Variants in FGGY observed in about 807,000 individuals in gnomAD.
FGGY encodes the protein FGGY carbohydrate kinase domain containing, also known as FGGY carbohydrate kinase domain-containing protein.
FGGY carries 72 observed loss-of-function variants against 71.3 expected under a neutral mutation model. The observed-to-expected ratio is 1.01, with a 90% CI of 0.84 to 1.23. FGGY has a LOEUF of 1.23. Among genes scored for constraint, FGGY ranks in the 50% most tolerant of loss-of-function variants. FGGY has a pLI of 0.00. For synonymous variants in FGGY, 251 were observed against 250.3 expected (o/e 1.00, Z -0.02); for missense variants, 668 against 682.3 (o/e 0.98, Z 0.23).
intron 14 of FGGY, among the ~76,000 whole-genome samples, chr1:59,675,910 G>T (rs1373517794): frequency 6.6e-6 from 1 of 152,070 alleles, no homozygotes; most frequent in East Asian, 1.9e-4. Flanking sequence ...ATGAGGGCAG[G>T]AGCCTAGTCT....
intron 8 of FGGY, among the ~76,000 whole-genome samples, chr1:59,605,542 T>G (rs1026956687): frequency 6.6e-6 from 1 of 152,228 alleles, no homozygotes; most frequent in Non-Finnish European, 1.5e-5. Flanking sequence ...TAAGCTGAAC[T>G]TACTTTTCTT....
Position 59,715,050 on chromosome 1 carries a change from T to C in FGGY, c.1512+40917T>C, listed in dbSNP as rs202007740. ...TGTTTCCCCCTTTCAAGAAAAGCCC[T>C]TTCTTTCGTTGCCTTCTCACATAAC... On this transcript the variant is annotated intron_variant, in intron 14 of 15. Transcript: ENST00000303721. 5.3e-5 allele frequency among the ~76,000 whole-genome samples: 8 copies of C among 152,310 alleles called. No individual in the cohort carries two copies. In the East Asian group the frequency reaches 1.5e-3, roughly 29 times the overall value.
At chr1:59,441,535 A>G (rs2069881544) in intron 5 of FGGY, among the ~76,000 whole-genome samples, 1 of 152,160 alleles carries the variant, frequency 6.6e-6, no homozygotes, top group African/African-American at 2.4e-5. Context: ...TTTCTTTATT[A>G]TATTTTCTTT....
At chr1:59,473,577 A>AGT (rs1220712865) in intron 6 of FGGY, among the ~76,000 whole-genome samples, 1 of 152,164 alleles carries the variant, frequency 6.6e-6, no homozygotes. Flanking sequence ...AAGAGTGCAG[A>AGT]GTGTGTGTGA....
chr1:59,509,487 T>G (rs1263327936), intron 6 of FGGY, among the ~76,000 whole-genome samples: 1 of 152,192 alleles, frequency 6.6e-6, no homozygotes, highest in Non-Finnish European at 1.5e-5. Context: ...CACTTAAGTA[T>G]GGATTACAAG....
chr1:59,730,682 G>A (rs1011566794), intron 14 of FGGY, among the ~76,000 whole-genome samples: 6 of 152,164 alleles, frequency 3.9e-5, no homozygotes, highest in African/African-American at 7.2e-5. Context: ...ATAAACCACA[G>A]ATCAGAGAAT....
chr1:59,370,430 T>C (rs181085038), intron 4 of FGGY, among the ~76,000 whole-genome samples: 6 of 152,340 alleles, frequency 3.9e-5, no homozygotes, highest in African/African-American at 1.4e-4. Flanking sequence ...CTACGTCTGA[T>C]TGGTGTACCT....
intron 5 of FGGY, among the ~76,000 whole-genome samples, chr1:59,442,944 G>A (rs1572204380): frequency 6.6e-6 from 1 of 152,324 alleles, no homozygotes; most frequent in East Asian, 1.9e-4. Flanking sequence ...TTCTCAGGGG[G>A]TTGAAGTATC....
chr1:59,547,384 G>C (rs190030766), intron 7 of FGGY, among the ~76,000 whole-genome samples: 1 of 152,226 alleles, frequency 6.6e-6, no homozygotes, highest in Admixed American at 6.5e-5. Flanking sequence ...GGAATAGTTG[G>C]AGTTCTTGTA....
chr1:59,648,670 T>C (rs1189729269), intron 11 of FGGY, among the ~76,000 whole-genome samples: 5 of 150,430 alleles, frequency 3.3e-5, no homozygotes, highest in Non-Finnish European at 7.4e-5. Context: ...GATGAGTAGG[T>C]TGCGAAAATT....
At chr1:59,435,086 A>T (rs1306848587) in intron 5 of FGGY, among the ~76,000 whole-genome samples, 1 of 152,192 alleles carries the variant, frequency 6.6e-6, no homozygotes, top group Non-Finnish European at 1.5e-5. Flanking sequence ...AGACAATGAG[A>T]ATATCCAAGA....
At chr1:59,633,001 C>CTTTTTTTTT (rs58061913) in intron 10 of FGGY, among the ~76,000 whole-genome samples, 4 of 135,694 alleles carry the variant, frequency 2.9e-5, no homozygotes, top group Non-Finnish European at 3.2e-5. Flanking sequence ...TTATACATTT[C>CTTTTTTTTT]TTTTTTTTTT....
At chr1:59,480,781 GGGA>G (rs1324105143) in intron 6 of FGGY, among the ~76,000 whole-genome samples, 1 of 152,092 alleles carries the variant, frequency 6.6e-6, no homozygotes, top group Non-Finnish European at 1.5e-5. Context: ...GTTTGAGGCA[GGGA>G]AAAGGGAGGG....
At chr1:59,339,623 C>T (rs1264408119) in intron 2 of FGGY, among the ~76,000 whole-genome samples, 1 of 151,974 alleles carries the variant, frequency 6.6e-6, no homozygotes, top group Non-Finnish European at 1.5e-5. Context: ...CACCACCATG[C>T]CTGGCTAATT....
intron 10 of FGGY, among the ~76,000 whole-genome samples, chr1:59,629,679 G>A (rs1009673707): frequency 6.6e-6 from 1 of 152,006 alleles, no homozygotes; most frequent in Admixed American, 6.6e-5. Flanking sequence ...TTTCTTAAAG[G>A]GTTTAAGCAT....
chr1:59,510,059 A>G (rs1330076911), intron 6 of FGGY, among the ~76,000 whole-genome samples: 1 of 145,744 alleles, frequency 6.9e-6, no homozygotes, highest in Non-Finnish European at 1.5e-5. Context: ...TTTTTTTAAC[A>G]TACATAATGC....
At chr1:59,331,015 T>G (rs1254375182) in intron 2 of FGGY, among the ~76,000 whole-genome samples, 1 of 152,018 alleles carries the variant, frequency 6.6e-6, no homozygotes, top group East Asian at 1.9e-4. Context: ...TGGGACCACG[T>G]CTCTCTTGAC....
intron 1 of FGGY, among the ~76,000 whole-genome samples, chr1:59,317,635 A>G (rs1019867639): frequency 6.6e-6 from 1 of 152,182 alleles, no homozygotes; most frequent in African/African-American, 2.4e-5. Context: ...TGATGCAGAA[A>G]GTCCTTTGCT....
chr1:59,661,972 G>A (rs1430706146), intron 12 of FGGY, among the ~76,000 whole-genome samples: 1 of 148,914 alleles, frequency 6.7e-6, no homozygotes, highest in Admixed American at 6.6e-5. Context: ...ACCCGTCTCG[G>A]CCTCCCAAAG....
Sources: allele counts gnomAD v4.1 joint callset (sites outside exome capture counted in the v4.1 genomes callset), GRCh38; gene constraint gnomAD v4.1.1; transcripts MANE v1.5; gene names NCBI Gene and HGNC (gene_info 2026-07-23, HGNC 2026-07-21).